PCSK5: variants seen among roughly 807,000 people sequenced by gnomAD.
PCSK5 encodes the protein prohormone convertase 5.
In PCSK5, 129 loss-of-function variants were observed where a neutral mutation model predicts 233.2. The ratio of observed to expected loss-of-function variants is 0.55; its 90% confidence interval spans 0.48 to 0.64. PCSK5 has a LOEUF of 0.64. Ranked by LOEUF, PCSK5 falls within the 30% of genes least tolerant of loss-of-function variation. PCSK5 has a pLI of 0.00. For missense variants in PCSK5, 2,076 were observed against 2,430.1 expected (o/e 0.85, Z 3.06); for synonymous variants, 825 against 879.2 (o/e 0.94, Z 1.09).
chr9:76,349,287 AAAAAG>A (rs1320883288), intron 35 of PCSK5, among the ~76,000 whole-genome samples: 5,559 of 68,342 alleles, frequency 0.081, 132 homozygotes, highest in South Asian at 0.12. Context: ...AAAAAAAAAA[AAAAAG>A]AAAAAAGAAA....
intron 5 of PCSK5, among the ~76,000 whole-genome samples, chr9:76,035,191 T>C (rs1828810517): frequency 6.6e-6 from 1 of 152,218 alleles, no homozygotes; most frequent in Admixed American, 6.5e-5. Context: ...ATGTTTGTTC[T>C]TTAGCCTGGT....
At chr9:76,341,804 T>C (rs1490668680) in intron 35 of PCSK5, among the ~76,000 whole-genome samples, 2 of 152,238 alleles carry the variant, frequency 1.3e-5, no homozygotes, top group Non-Finnish European at 1.5e-5. Flanking sequence ...GGAAGTGATA[T>C]TGATGACAGC....
intron 5 of PCSK5, among the ~76,000 whole-genome samples, chr9:76,035,704 G>A (rs564626748): frequency 6.6e-6 from 1 of 152,224 alleles, no homozygotes; most frequent in East Asian, 1.9e-4. Context: ...AATGGATTAA[G>A]CATTTAAACA....
intron 20 of PCSK5, among the ~76,000 whole-genome samples, chr9:76,201,203 T>C (rs916401757): frequency 6.6e-6 from 1 of 152,070 alleles, no homozygotes. Flanking sequence ...TAAGAGAAGA[T>C]CCCCTAGCCC....
At chr9:76,246,011 G>A (rs1467084905) in intron 24 of PCSK5, among the ~76,000 whole-genome samples, 1 of 148,338 alleles carries the variant, frequency 6.7e-6, no homozygotes, top group Non-Finnish European at 1.5e-5. Flanking sequence ...AGAAAAAGAT[G>A]CTTGTTCACT....
At chr9:75,960,267 A>G (rs1422132558) in intron 2 of PCSK5, among the ~76,000 whole-genome samples, 1 of 152,220 alleles carries the variant, frequency 6.6e-6, no homozygotes, top group Non-Finnish European at 1.5e-5. Flanking sequence ...AGCAATTGTC[A>G]TATTCTTACA....
chr9:75,984,992 T>G (rs977068638), intron 2 of PCSK5, among the ~76,000 whole-genome samples: 5 of 152,166 alleles, frequency 3.3e-5, no homozygotes, highest in African/African-American at 1.2e-4. Flanking sequence ...ATTACAGCAG[T>G]GGACCACAAA....
Position 76,300,779 on chromosome 9 carries a change from CCTT to C in PCSK5, c.3524-1355_3524-1353del, listed in dbSNP as rs748184771. 1.6e-4 allele frequency among the ~76,000 whole-genome samples: 24 copies of C among 152,196 alleles called. No individual in the cohort carries two copies. In the East Asian group the frequency reaches 4.4e-3, roughly 28 times the overall value. On this transcript the variant is annotated intron_variant, in intron 27 of 37. Transcript: ENST00000674117. ...TTACTCATCCTCTCTGAGCCTGTGT[CCTT>C]CTCTGTAAAGTGAAAACATGAAACT... is the stretch of plus-strand genomic sequence containing the variant.
chr9:76,107,821 G>A (rs1832040941), intron 9 of PCSK5, among the ~76,000 whole-genome samples: 1 of 152,136 alleles, frequency 6.6e-6, no homozygotes, highest in African/African-American at 2.4e-5. Flanking sequence ...ATCAAATCCT[G>A]TTCAGTATAG....
At chr9:76,272,136 G>C (rs1008180602) in intron 24 of PCSK5, among the ~76,000 whole-genome samples, 4 of 152,146 alleles carry the variant, frequency 2.6e-5, no homozygotes, top group African/African-American at 9.7e-5. Context: ...TGTACGTAGA[G>C]TACACATTCA....
intron 14 of PCSK5, 24 bp downstream of exon 14, chr9:76,175,153 C>T (rs765349606): frequency 1.2e-6 from 2 of 1,606,506 alleles, no homozygotes; most frequent in Admixed American, 3.4e-5. Flanking sequence ...CAGTGGGACA[C>T]AGGCTAAAAA....
rs557103253 is a variant in PCSK5, at chr9:76,338,450, G to A, written c.4966+3G>A. On this transcript the variant is annotated splice_donor_region_variant and intron_variant, in intron 35 of 37. Coordinates refer to ENST00000674117, the MANE Select transcript of PCSK5 (RefSeq NM_001372043.1). ...TCCGACTTGTGATCAATGCAAAGGTGAGAGTCTACCTGTCATTTTGCATGA... is the reference window on the plus strand; with the variant it reads ...TCCGACTTGTGATCAATGCAAAGGTAAGAGTCTACCTGTCATTTTGCATGA... 1.3e-6 allele frequency: 2 copies of A among 1,595,904 alleles called. No homozygotes were observed. Among genetic ancestry groups the A allele is most frequent in the Non-Finnish European group, 1.7e-6 (2 of 1,164,652 alleles).
chr9:75,941,729 C>T (rs1824313513), intron 2 of PCSK5, among the ~76,000 whole-genome samples: 1 of 152,108 alleles, frequency 6.6e-6, no homozygotes, highest in Admixed American at 6.5e-5. Flanking sequence ...GCCCTTGGAT[C>T]CATTTATGGT....
At position 76,220,775 on chromosome 9, in the gene PCSK5, CT is replaced by C. The variant is rs532890528; in HGVS notation, c.2627-6726del. Among the ~76,000 whole-genome samples, 401 of 152,226 alleles carry C rather than the reference CT, an allele frequency of 2.6e-3. 1 individual carries two copies. The highest frequency in any genetic ancestry group is 0.01 in the Middle Eastern group (3 of 294). On this transcript the variant is annotated intron_variant, in intron 20 of 37. Coordinates refer to ENST00000674117, the MANE Select transcript of PCSK5 (RefSeq NM_001372043.1). The stretch of plus-strand genomic sequence containing the variant: ...TTATTTTTTGTGCATGATGAGAACA[CT>C]TAAAATCTACTCTTAGTGATTTTCA...
chr9:75,893,815 C>A (rs548590856), intron 1 of PCSK5, among the ~76,000 whole-genome samples: 1 of 152,248 alleles, frequency 6.6e-6, no homozygotes, highest in East Asian at 1.9e-4. Flanking sequence ...TACAGAGGAC[C>A]CCTTGAACCA....
rs545842070 is a variant in PCSK5, at chr9:76,170,825, G to A, written c.1756+985G>A. On this transcript the variant is annotated intron_variant, in intron 13 of 37. Coordinates refer to ENST00000674117, the MANE Select transcript of PCSK5 (RefSeq NM_001372043.1). ...AAGGAGGCACACAGCAGAACACAGG[G>A]ATAAAGGGCACGTTTGCCAGACTTT... Among the ~76,000 whole-genome samples, 25 of 152,334 alleles carry A rather than the reference G, an allele frequency of 1.6e-4. No homozygotes were observed. In the South Asian group the frequency reaches 4.6e-3, roughly 28 times the overall value.
rs560761674 is a variant in PCSK5 at position 76,342,843 on chromosome 9, C to A, written c.4966+4396C>A. On this transcript the variant is annotated intron_variant, in intron 35 of 37. Coordinates refer to ENST00000674117, the MANE Select transcript of PCSK5 (RefSeq NM_001372043.1). ...TTCACCCAGTTGCCTGAGACAGTAACCTGGCCATTACCCTCTGCTCCTCCC... is the reference window on the plus strand; with the variant it reads ...TTCACCCAGTTGCCTGAGACAGTAAACTGGCCATTACCCTCTGCTCCTCCC... Among the ~76,000 whole-genome samples the A allele has an allele frequency of 1.1e-4, 17 of 152,238 alleles. No homozygotes were observed. In the East Asian group the frequency reaches 2.9e-3, roughly 26 times the overall value.
At chr9:75,920,750 G>C (rs1278982210) in intron 1 of PCSK5, among the ~76,000 whole-genome samples, 3 of 152,064 alleles carry the variant, frequency 2.0e-5, no homozygotes, top group East Asian at 1.9e-4. Context: ...AGGTTGCAGA[G>C]AGCCGAGATT....
chr9:75,983,623 AC>A (rs1444356266), intron 2 of PCSK5, among the ~76,000 whole-genome samples: 1 of 152,194 alleles, frequency 6.6e-6, no homozygotes, highest in African/African-American at 2.4e-5. Flanking sequence ...CCCTGAATTA[AC>A]TGTAGTTCCT....
Sources: allele counts gnomAD v4.1 joint callset (sites outside exome capture counted in the v4.1 genomes callset), GRCh38; gene constraint gnomAD v4.1.1; transcripts MANE v1.5; gene names NCBI Gene and HGNC (gene_info 2026-07-23, HGNC 2026-07-21).